NUP107: variants seen among roughly 807,000 people sequenced by gnomAD.
NUP107 encodes nuclear pore complex protein Nup107.
In NUP107, 101 loss-of-function variants were observed where a neutral mutation model predicts 141.0. The observed-to-expected ratio is 0.72, with a 90% CI of 0.61 to 0.84. NUP107 has a LOEUF of 0.84. NUP107 is among the 40% of genes least tolerant of loss of function. The pLI, the probability that NUP107 is intolerant of heterozygous loss-of-function variation, is 0.00. For missense variants in NUP107, 941 were observed against 1,102.7 expected, an observed-to-expected ratio of 0.85 and a Z score of 2.08; for synonymous variants, 319 against 363.9, an observed-to-expected ratio of 0.88 and a Z score of 1.41.
intron 6 of NUP107, among the ~76,000 whole-genome samples, chr12:68,700,033 G>C (rs563617512): frequency 4.1e-4 from 62 of 152,188 alleles, no homozygotes; most frequent in African/African-American, 1.4e-3. Context: ...CTCCTGAGTA[G>C]CTGGGATTAT....
chr12:68,720,993 A>G, intron 14 of NUP107, 125 bp from the exon 15 acceptor site: 1 of 535,126 alleles, frequency 1.9e-6, no homozygotes, highest in Non-Finnish European at 3.3e-6. Flanking sequence ...TCTTTCACTA[A>G]AGTTTAAAAA....
chr12:68,718,181 A>G (rs752860227), intron 12 of NUP107, among the ~76,000 whole-genome samples: 6 of 152,206 alleles, frequency 3.9e-5, no homozygotes, highest in Non-Finnish European at 5.9e-5. Context: ...GGATACAAGA[A>G]GCTCCAAGCT....
intron 15 of NUP107, 72 bp from the exon 16 acceptor site, chr12:68,721,769 T>G (rs1877359593): frequency 3.6e-6 from 5 of 1,391,202 alleles, no homozygotes; most frequent in Admixed American, 2.0e-5. Flanking sequence ...TCTGTATCAT[T>G]GGATGTAATT....
At chr12:68,726,120 G>T (rs1200652638) in intron 18 of NUP107, among the ~76,000 whole-genome samples, 1 of 152,092 alleles carries the variant, frequency 6.6e-6, no homozygotes, top group Non-Finnish European at 1.5e-5. Context: ...ATAGACATGG[G>T]ATTGCAGGCA....
intron 20 of NUP107, among the ~76,000 whole-genome samples, chr12:68,730,724 G>A (rs1256416229): frequency 2.0e-5 from 3 of 152,200 alleles, no homozygotes; most frequent in Non-Finnish European, 4.4e-5. Flanking sequence ...CAGCACTTTA[G>A]GAGGCCAAGG....
intron 26 of NUP107, among the ~76,000 whole-genome samples, chr12:68,738,837 G>T (rs1408408574): frequency 6.6e-6 from 1 of 152,138 alleles, no homozygotes; most frequent in African/African-American, 2.4e-5. Context: ...TATACAGATG[G>T]ACTAGTGACC....
chr12:68,712,892 C>G (rs1276595245), intron 10 of NUP107, among the ~76,000 whole-genome samples: 1 of 151,846 alleles, frequency 6.6e-6, no homozygotes, highest in Non-Finnish European at 1.5e-5. Context: ...CACTCCATAC[C>G]CAACAATTAA....
chr12:68,702,673 A>T (rs376012797), intron 7 of NUP107, 63 bp from the exon 8 acceptor site: 106 of 1,122,792 alleles, frequency 9.4e-5, no homozygotes, highest in Non-Finnish European at 1.2e-4. Flanking sequence ...TCAGATGCTC[A>T]GTGGCAAGTT....
At chr12:68,706,247 A>C in intron 8 of NUP107, 2 of 773,282 alleles carry the variant, frequency 2.6e-6, no homozygotes, top group Admixed American at 1.7e-5. Context: ...TGAAGCTTAC[A>C]AGAACAAGGT....
intron 26 of NUP107, 129 bp downstream of exon 26, chr12:68,735,473 T>A (rs962694477): frequency 4.6e-6 from 3 of 654,776 alleles, no homozygotes; most frequent in Non-Finnish European, 8.2e-6. Flanking sequence ...AATCCCATGT[T>A]TTAAGCTAAA....
intron 6 of NUP107, among the ~76,000 whole-genome samples, chr12:68,698,515 T>C (rs939411191): frequency 6.6e-6 from 1 of 152,248 alleles, no homozygotes; most frequent in African/African-American, 2.4e-5. Context: ...TATTACAGTT[T>C]TATTCGTAAC....
chr12:68,727,132 G>A (rs1183714240), intron 19 of NUP107, among the ~76,000 whole-genome samples: 1 of 152,112 alleles, frequency 6.6e-6, no homozygotes, highest in East Asian at 1.9e-4. Context: ...TTCATCCTCT[G>A]TAAAATGTGA....
At position 68,721,527 on chromosome 12, in the gene NUP107, G is replaced by A. The variant is rs551254929; in HGVS notation, c.1312-314G>A. ...TGAGTCCTTGGGTTGTCTTACATAC[G>A]CATGTTTTCTCACAACCCACTACTC... On this transcript the variant is annotated intron_variant, in intron 15 of 27. Coordinates refer to ENST00000229179, the MANE Select transcript of NUP107 (RefSeq NM_020401.4). Among the ~76,000 whole-genome samples, 6 of 152,166 alleles carry A rather than the reference G, an allele frequency of 3.9e-5. No homozygotes were observed. In the South Asian group the frequency reaches 1.2e-3, roughly 32 times the overall value.
chr12:68,698,062 T>A (rs1029293501), intron 6 of NUP107, among the ~76,000 whole-genome samples: 25 of 151,664 alleles, frequency 1.6e-4, no homozygotes, highest in Non-Finnish European at 3.4e-4. Flanking sequence ...ATGTTTCACA[T>A]TGTATGTCAT....
intron 18 of NUP107, among the ~76,000 whole-genome samples, chr12:68,726,076 C>A (rs1023824824): frequency 1.3e-5 from 2 of 152,070 alleles, no homozygotes; most frequent in African/African-American, 4.8e-5. Context: ...GTCAGGTGAT[C>A]TTCCCTCCCT....
intron 5 of NUP107, among the ~76,000 whole-genome samples, chr12:68,696,406 T>C (rs1332356619): frequency 6.6e-6 from 1 of 150,782 alleles, no homozygotes; most frequent in African/African-American, 2.4e-5. Flanking sequence ...TATAAAAGAC[T>C]TGTAGCCATT....
chr12:68,701,353 C>T (rs77473622), intron 7 of NUP107, among the ~76,000 whole-genome samples: 5,783 of 152,248 alleles, frequency 0.038, 359 homozygotes, highest in African/African-American at 0.13. Context: ...TACAGCAGCT[C>T]TGTTAGAACC....
intron 20 of NUP107, among the ~76,000 whole-genome samples, chr12:68,729,942 A>AAT (rs1472170245): frequency 4.0e-5 from 6 of 150,782 alleles, no homozygotes; most frequent in South Asian, 2.1e-4. Context: ...AAAATGTTCT[A>AAT]ATATATATAT....
chr12:68,692,410 C>G (rs1875847600), intron 5 of NUP107, among the ~76,000 whole-genome samples: 1 of 151,938 alleles, frequency 6.6e-6, no homozygotes, highest in African/African-American at 2.4e-5. Flanking sequence ...GAAACCTCGT[C>G]TCTACTAAAA....
Sources: gnomAD v4.1 joint callset for allele counts (sites outside exome capture counted in the v4.1 genomes callset) on GRCh38, gnomAD v4.1.1 for gene constraint, MANE v1.5 for transcripts, NCBI Gene and HGNC (gene_info 2026-07-23, HGNC 2026-07-21) for gene names.